BCAS1: variants seen among roughly 807,000 people sequenced by gnomAD.
BCAS1 encodes brain enriched myelin associated protein 1, also known as breast carcinoma-amplified sequence 1.
In BCAS1, 46 loss-of-function variants were observed where a neutral mutation model predicts 65.4. The ratio of observed to expected loss-of-function variants is 0.70; its 90% CI spans 0.55 to 0.90. The LOEUF is 0.90. BCAS1 is among the 40% of genes least tolerant of loss of function. BCAS1 has a pLI of 0.00. For synonymous variants in BCAS1, 298 were observed against 293.5 expected (o/e 1.02, Z -0.16); for missense variants, 793 against 771.2 (o/e 1.03, Z -0.33).
intron 12 of BCAS1, among the ~76,000 whole-genome samples, chr20:53,951,826 A>G (rs2089536040): frequency 6.6e-6 from 1 of 152,248 alleles, no homozygotes; most frequent in Admixed American, 6.5e-5. Flanking sequence ...CAAGGACTAC[A>G]TGATTAGTTT....
intron 1 of BCAS1, among the ~76,000 whole-genome samples, chr20:54,069,090 T>C (rs2092481654): frequency 6.6e-6 from 1 of 152,138 alleles, no homozygotes; most frequent in African/African-American, 2.4e-5. Context: ...CTCACTTAAA[T>C]GAGAAACTAC....
intron 3 of BCAS1, among the ~76,000 whole-genome samples, chr20:54,041,179 G>A (rs1026381905): frequency 1.3e-5 from 2 of 151,216 alleles, no homozygotes; most frequent in Non-Finnish European, 3.0e-5. Flanking sequence ...CTGGGAATAG[G>A]GAAAAAACTC....
At position 54,058,131 on chromosome 20, in the gene BCAS1, C is replaced by A; in HGVS notation, c.96G>T (p.Gly32=). ...TYQDNASALN[G]VPVVVSTHTV... Reference sequence around the variant, plus strand: ...TGTGGGTCGACACCACCACTGGAACCCCGTTCAGAGCAGACGCGTTGTCCT... The same window carrying A: ...TGTGGGTCGACACCACCACTGGAACACCGTTCAGAGCAGACGCGTTGTCCT... Residue 32 remains glycine (G), a synonymous_variant, in exon 3 of 13, where the codon GGG becomes GGT. Transcript: ENST00000688948. The A allele has an allele frequency of 6.2e-7, 1 of 1,614,038 alleles. No individual in the cohort carries two copies. Among genetic ancestry groups the A allele is most frequent in the African/African-American group, 1.3e-5 (1 of 75,028 alleles).
At chr20:53,986,499 AT>A (rs929007109) in intron 7 of BCAS1, among the ~76,000 whole-genome samples, 12 of 151,930 alleles carry the variant, frequency 7.9e-5, no homozygotes, top group African/African-American at 2.7e-4. Context: ...TCATTTTATG[AT>A]TTTTTTTGCT....
intron 4 of BCAS1, among the ~76,000 whole-genome samples, chr20:54,019,557 G>T (rs1401372054): frequency 1.3e-5 from 2 of 152,184 alleles, no homozygotes. Context: ...GTAAAGTATT[G>T]TTTCTGGGTG....
At chr20:54,053,175 G>A (rs1245117251) in intron 3 of BCAS1, among the ~76,000 whole-genome samples, 6 of 152,196 alleles carry the variant, frequency 3.9e-5, no homozygotes, top group African/African-American at 1.4e-4. Context: ...AAATTGGTGA[G>A]TTAAGCTAGA....
At chr20:53,983,187 A>C (rs1480098524) in intron 8 of BCAS1, among the ~76,000 whole-genome samples, 1 of 152,152 alleles carries the variant, frequency 6.6e-6, no homozygotes, top group African/African-American at 2.4e-5. Flanking sequence ...ACTTGAGGCA[A>C]TAGTTTAGCA....
chr20:54,014,774 A>G (rs976163162), intron 4 of BCAS1, among the ~76,000 whole-genome samples: 9 of 152,320 alleles, frequency 5.9e-5, no homozygotes, highest in Non-Finnish European at 7.3e-5. Context: ...TCCCCAGAGA[A>G]TATCACGCGA....
At chr20:54,030,402 A>T (rs2091772650) in intron 3 of BCAS1, among the ~76,000 whole-genome samples, 1 of 152,214 alleles carries the variant, frequency 6.6e-6, no homozygotes, top group Non-Finnish European at 1.5e-5. Context: ...TTTCCATAAT[A>T]AGTGCTTAGT....
At chr20:53,972,177 A>T (rs1362955333) in intron 9 of BCAS1, among the ~76,000 whole-genome samples, 1 of 152,230 alleles carries the variant, frequency 6.6e-6, no homozygotes, top group Non-Finnish European at 1.5e-5. Flanking sequence ...CGTTATTTAA[A>T]GCACTCTTGT....
intron 4 of BCAS1, among the ~76,000 whole-genome samples, chr20:54,027,706 G>T (rs1217057928): frequency 6.6e-6 from 1 of 151,658 alleles, no homozygotes; most frequent in Admixed American, 6.6e-5. Context: ...GCTCTTTTTA[G>T]TGTCAAAAAG....
At chr20:54,065,930 A>G (rs529190478) in intron 1 of BCAS1, among the ~76,000 whole-genome samples, 1 of 152,222 alleles carries the variant, frequency 6.6e-6, no homozygotes, top group East Asian at 1.9e-4. Flanking sequence ...TGTTAGTATA[A>G]GCAGTAAATA....
At chr20:54,066,266 G>C (rs2092441039) in intron 1 of BCAS1, among the ~76,000 whole-genome samples, 3 of 152,138 alleles carry the variant, frequency 2.0e-5, no homozygotes, top group African/African-American at 7.2e-5. Context: ...TAGAGACGGG[G>C]TTTCCCCGTG....
At chr20:53,969,412 G>A (rs754308553) in intron 9 of BCAS1, among the ~76,000 whole-genome samples, 5 of 151,976 alleles carry the variant, frequency 3.3e-5, no homozygotes, top group African/African-American at 1.2e-4. Flanking sequence ...GTATTGTACC[G>A]GGTGTTTAAT....
intron 3 of BCAS1, among the ~76,000 whole-genome samples, chr20:54,031,563 C>A (rs968386112): frequency 5.3e-5 from 8 of 151,166 alleles, no homozygotes. Flanking sequence ...ACTTTTGATA[C>A]TCCTATTAAA....
At chr20:53,958,452 T>C (rs1212740054) in intron 10 of BCAS1, among the ~76,000 whole-genome samples, 4 of 152,216 alleles carry the variant, frequency 2.6e-5, no homozygotes, top group Non-Finnish European at 5.9e-5. Flanking sequence ...TTCAGCCATA[T>C]GGGGCAAAGA....
intron 3 of BCAS1, among the ~76,000 whole-genome samples, chr20:54,038,830 C>A (rs377468873): frequency 1.3e-5 from 2 of 151,252 alleles, no homozygotes; most frequent in African/African-American, 4.8e-5. Context: ...ACACTAATTG[C>A]AAAGGGAAAT....
intron 4 of BCAS1, among the ~76,000 whole-genome samples, chr20:53,998,518 C>A (rs993075564): frequency 6.6e-6 from 1 of 152,086 alleles, no homozygotes. Flanking sequence ...GACAAACTTG[C>A]AAATGACCAT....
chr20:54,059,747 T>C (rs910309100), intron 1 of BCAS1, among the ~76,000 whole-genome samples: 2 of 152,172 alleles, frequency 1.3e-5, no homozygotes, highest in Middle Eastern at 6.3e-3. Context: ...CATTGAACAC[T>C]CTGGGAAATT....
Sources: allele counts gnomAD v4.1 joint callset (sites outside exome capture counted in the v4.1 genomes callset), GRCh38; gene constraint gnomAD v4.1.1; transcripts MANE v1.5; gene names NCBI Gene and HGNC (gene_info 2026-07-23, HGNC 2026-07-21).